The following PTPRD variants were observed in gnomAD, a reference collection of about 807,000 sequenced individuals.
PTPRD encodes protein tyrosine phosphatase receptor type D.
Under a neutral mutation model 214.5 loss-of-function variants are expected in PTPRD, and 34 were observed. The ratio of observed to expected loss-of-function variants is 0.16; its 90% CI spans 0.12 to 0.21. The LOEUF is 0.21. Among genes scored for constraint, PTPRD ranks in the 10% least tolerant of loss-of-function variants. The pLI is 1.00. For missense variants in PTPRD, 2,545 were observed against 2,398.7 expected, an observed-to-expected ratio of 1.06 and a Z score of -1.27; for synonymous variants, 1,128 against 845.7, an observed-to-expected ratio of 1.33 and a Z score of -5.79.
At chr9:8,859,981 T>C (rs1396574527) in intron 11 of PTPRD, 2 of 152,180 alleles carry the variant, frequency 1.3e-5, no homozygotes, top group Non-Finnish European at 1.5e-5. Context: ...GCAGGGATGA[T>C]GGACCCTTGC....
chr9:10,274,694 C>T (rs2094584849), intron 3 of PTPRD, among the ~76,000 whole-genome samples: 1 of 152,068 alleles, frequency 6.6e-6, no homozygotes, highest in African/African-American at 2.4e-5. Flanking sequence ...TTTTTCATTC[C>T]TCCTATTGTG....
chr9:8,485,174 A>G, intron 29 of PTPRD, 53 bp downstream of exon 29: 2 of 1,485,708 alleles, frequency 1.3e-6, no homozygotes, highest in African/African-American at 1.4e-5. Context: ...ACCCAGATAA[A>G]CTGTCCCCTC....
At chr9:10,410,873 C>T (rs982251074) in intron 2 of PTPRD, among the ~76,000 whole-genome samples, 1 of 151,746 alleles carries the variant, frequency 6.6e-6, no homozygotes, top group Non-Finnish European at 1.5e-5. Context: ...TGGAATCAGT[C>T]TGCCTACGTT....
At chr9:8,955,287 C>T (rs1019177496) in intron 11 of PTPRD, among the ~76,000 whole-genome samples, 1 of 151,772 alleles carries the variant, frequency 6.6e-6, no homozygotes, top group Non-Finnish European at 1.5e-5. Context: ...TTATGGATTC[C>T]TGGAGACAGG....
chr9:9,321,729 T>C (rs914404217), intron 9 of PTPRD, among the ~76,000 whole-genome samples: 1 of 152,210 alleles, frequency 6.6e-6, no homozygotes, highest in Non-Finnish European at 1.5e-5. Flanking sequence ...AGCAAAGTTA[T>C]TTATTTTCTC....
chr9:8,321,487 G>GTGTATATATATATATA (rs1168847469), intron 44 of PTPRD, among the ~76,000 whole-genome samples: 29 of 44,532 alleles, frequency 6.5e-4, no homozygotes, highest in Non-Finnish European at 1.1e-3. Flanking sequence ...GTGTGTGTGT[G>GTGTATATATATATATA]TATATATATA....
chr9:8,976,319 C>T (rs1235641901), intron 11 of PTPRD, among the ~76,000 whole-genome samples: 2 of 151,966 alleles, frequency 1.3e-5, no homozygotes, highest in Admixed American at 6.6e-5. Flanking sequence ...GAATAAGTGA[C>T]CTAGTTCATG....
At chr9:8,479,979 C>T (rs2096845954) in intron 30 of PTPRD, among the ~76,000 whole-genome samples, 1 of 152,104 alleles carries the variant, frequency 6.6e-6, no homozygotes, top group South Asian at 2.1e-4. Flanking sequence ...CCAAATTGGG[C>T]TAAAACTTGA....
intron 7 of PTPRD, among the ~76,000 whole-genome samples, chr9:9,641,368 G>C (rs1021450461): frequency 6.6e-6 from 1 of 152,140 alleles, no homozygotes; most frequent in African/African-American, 2.4e-5. Context: ...CTAGTATTTT[G>C]CAAAAAGACC....
In PTPRD at chr9:8,773,558, T is replaced by A. The variant is rs559423753; in HGVS notation, c.-103-39612A>T. 3.3e-5 allele frequency among the ~76,000 whole-genome samples: 5 copies of A among 152,126 alleles called. No individual in the cohort carries two copies. The South Asian group carries it at 1.0e-3, about 32-fold the overall frequency. On this transcript the variant is annotated intron_variant, in intron 11 of 45. Transcript: ENST00000381196. ...GGCTTGTTTCACACAGGAGAATAAA[T>A]TGGTCCCTATCCTACTTGCTCAAAG...
chr9:8,741,773 T>C (rs1438081929), intron 11 of PTPRD, among the ~76,000 whole-genome samples: 2 of 151,828 alleles, frequency 1.3e-5, no homozygotes, highest in East Asian at 3.9e-4. Flanking sequence ...GTATTTTTAG[T>C]AGAGACAGGA....
chr9:9,247,490 G>C (rs2131377537), intron 9 of PTPRD, among the ~76,000 whole-genome samples: 1 of 152,158 alleles, frequency 6.6e-6, no homozygotes, highest in South Asian at 2.1e-4. Flanking sequence ...CATTATAGGA[G>C]TGTTGGCCTT....
intron 12 of PTPRD, among the ~76,000 whole-genome samples, chr9:8,699,390 T>C (rs914221342): frequency 2.0e-5 from 3 of 152,212 alleles, no homozygotes; most frequent in African/African-American, 4.8e-5. Flanking sequence ...CCTGAAATAA[T>C]GTAAATACAT....
At chr9:8,426,046 G>C (rs1253763214) in intron 35 of PTPRD, among the ~76,000 whole-genome samples, 1 of 152,088 alleles carries the variant, frequency 6.6e-6, no homozygotes, top group African/African-American at 2.4e-5. Flanking sequence ...AATGAGAAGA[G>C]AATGTTATAG....
At chr9:10,606,598 G>A (rs748388770) in intron 2 of PTPRD, among the ~76,000 whole-genome samples, 7 of 150,890 alleles carry the variant, frequency 4.6e-5, no homozygotes, top group Non-Finnish European at 1.0e-4. Context: ...TAAAATATGA[G>A]GTTTGGGTTA....
At chr9:10,008,666 T>A (rs1027887878) in intron 4 of PTPRD, among the ~76,000 whole-genome samples, 1 of 151,724 alleles carries the variant, frequency 6.6e-6, no homozygotes, top group Non-Finnish European at 1.5e-5. Flanking sequence ...CTGCTTCTGG[T>A]TTTTGCCAGA....
At chr9:8,361,598 G>C (rs1041439229) in intron 39 of PTPRD, among the ~76,000 whole-genome samples, 1 of 152,150 alleles carries the variant, frequency 6.6e-6, no homozygotes, top group Non-Finnish European at 1.5e-5. Context: ...ATATTTACCT[G>C]AGATAAGGTT....
chr9:8,731,536 A>G (rs770165932), intron 12 of PTPRD, among the ~76,000 whole-genome samples: 28 of 152,328 alleles, frequency 1.8e-4, no homozygotes, highest in Middle Eastern at 3.4e-3. Flanking sequence ...AGTGTTACTT[A>G]TAACTTTATT....
chr9:10,093,389 A>G (rs1350140408), intron 3 of PTPRD, among the ~76,000 whole-genome samples: 1 of 151,594 alleles, frequency 6.6e-6, no homozygotes, highest in Non-Finnish European at 1.5e-5. Flanking sequence ...CAAACTCACA[A>G]TGCGACAGTT....
Sources: allele counts gnomAD v4.1 joint callset (sites outside exome capture counted in the v4.1 genomes callset), GRCh38; gene constraint gnomAD v4.1.1; transcripts MANE v1.5; gene names NCBI Gene and HGNC (gene_info 2026-07-23, HGNC 2026-07-21).